CYP2B6: variants seen among roughly 807,000 people sequenced by gnomAD.
CYP2B6 encodes cytochrome P450 2B6.
Under a neutral mutation model 43.4 loss-of-function variants are expected in CYP2B6, and 35 were observed. The observed-to-expected ratio is 0.81, with a 90% CI of 0.62 to 1.07. The LOEUF (loss-of-function observed/expected upper bound fraction) is 1.07. Among genes scored for constraint, CYP2B6 ranks in the 50% least tolerant of loss-of-function variants. The probability of loss-of-function intolerance (pLI) is 0.00; values close to 1 mark genes in which losing one functional copy is unlikely to be tolerated. For synonymous variants in CYP2B6, 239 were observed against 239.2 expected (o/e 1.00, Z 0.01); for missense variants, 624 against 632.8 (o/e 0.99, Z 0.15).
intron 1 of CYP2B6, among the ~76,000 whole-genome samples, chr19:40,994,435 G>A (rs767260754): frequency 1.3e-5 from 2 of 152,070 alleles, no homozygotes; most frequent in Non-Finnish European, 2.9e-5. Context: ...TTACTTTTTT[G>A]TGGTCTTTTT....
Position 41,004,458 on chromosome 19 carries a change from G to A in CYP2B6, c.484+12G>A, listed in dbSNP as rs751985197. On this transcript the variant is annotated intron_variant, in intron 3 of 8. Coordinates refer to ENST00000324071, the MANE Select transcript of CYP2B6 (RefSeq NM_000767.5). ...TCGGAAATCCAAGGGTGAGTCCTGG[G>A]GGATGAATAGGAAAGAAAGACAATG... 1.2e-6 allele frequency: 2 copies of A among 1,612,946 alleles called. No homozygotes were observed. The highest frequency in any genetic ancestry group is 1.3e-5 in the African/African-American group (1 of 74,764).
chr19:41,014,521 G>T (rs1439781525), intron 8 of CYP2B6, among the ~76,000 whole-genome samples: 1 of 152,004 alleles, frequency 6.6e-6, no homozygotes, highest in Admixed American at 6.6e-5. Flanking sequence ...TAGCCAGGAT[G>T]GTGCTGATCT....
chr19:40,996,049 G>A (rs1030277370), intron 1 of CYP2B6, among the ~76,000 whole-genome samples: 74 of 152,180 alleles, frequency 4.9e-4, no homozygotes, highest in African/African-American at 1.7e-3. Flanking sequence ...GACATGTCTT[G>A]CAACCTAACC....
At chr19:41,016,000 A>ACACACACG (rs1491483220) in intron 8 of CYP2B6, among the ~76,000 whole-genome samples, 5 of 14,616 alleles carry the variant, frequency 3.4e-4, no homozygotes, top group Admixed American at 3.0e-3. Flanking sequence ...ATGTACAGGT[A>ACACACACG]CACACACACA....
chr19:41,016,429 A>G (rs66552806), intron 8 of CYP2B6, among the ~76,000 whole-genome samples: 43,732 of 87,076 alleles, frequency 0.5, 9,687 homozygotes, highest in Admixed American at 0.64. Flanking sequence ...AAAAAAAAAA[A>G]AAAAAGAGAG....
chr19:41,004,197 T>TGGGGGGTTGGGGGGGGGGGGGGGG, intron 2 of CYP2B6, 34 bp downstream of exon 2: 1 of 350,414 alleles, frequency 2.9e-6, no homozygotes, highest in South Asian at 2.6e-5. Context: ...AGGGGGCGGG[T>TGGGGGGTTGGGGGGGGGGGGGGGG]GGGGGGTGCA....
intron 3 of CYP2B6, among the ~76,000 whole-genome samples, chr19:41,005,723 G>A (rs572853819): frequency 2.0e-5 from 3 of 151,844 alleles, no homozygotes; most frequent in Non-Finnish European, 2.9e-5. Flanking sequence ...GGAGGTTGCC[G>A]TGAGCTAAGA....
intron 1 of CYP2B6, among the ~76,000 whole-genome samples, chr19:41,002,206 G>A (rs1055421297): frequency 1.3e-5 from 2 of 152,088 alleles, no homozygotes; most frequent in African/African-American, 4.8e-5. Flanking sequence ...ACATTTTAGT[G>A]GGGTTACCCT....
chr19:41,000,123 G>A (rs897404766), intron 1 of CYP2B6, among the ~76,000 whole-genome samples: 7 of 152,180 alleles, frequency 4.6e-5, no homozygotes, highest in South Asian at 2.1e-4. Flanking sequence ...GTGCAAGAAC[G>A]GTGTCTGCTC....
intron 5 of CYP2B6, 68 bp from the exon 6 acceptor site, chr19:41,009,926 A>T (rs1969253638): frequency 1.2e-6 from 2 of 1,601,766 alleles, no homozygotes; most frequent in Admixed American, 1.7e-5. Context: ...AGCCAGGGAG[A>T]TGGGCGTATA....
intron 3 of CYP2B6, among the ~76,000 whole-genome samples, chr19:41,005,286 G>T (rs1969159767): frequency 6.6e-6 from 1 of 152,062 alleles, no homozygotes; most frequent in Non-Finnish European, 1.5e-5. Context: ...TCTCTGGCTA[G>T]CACCTCCATC....
intron 1 of CYP2B6, among the ~76,000 whole-genome samples, chr19:40,995,247 G>T (rs909100173): frequency 6.6e-6 from 1 of 152,104 alleles, no homozygotes; most frequent in Non-Finnish European, 1.5e-5. Context: ...AACTGCTTCT[G>T]GGGAAAAACT....
intron 1 of CYP2B6, among the ~76,000 whole-genome samples, chr19:40,998,086 G>A (rs1255723553): frequency 1.3e-5 from 2 of 151,946 alleles, no homozygotes; most frequent in African/African-American, 4.8e-5. Context: ...TGGGCACAGA[G>A]CAAGACCCTG....
At chr19:40,996,927 G>C (rs1483646368) in intron 1 of CYP2B6, among the ~76,000 whole-genome samples, 2 of 152,060 alleles carry the variant, frequency 1.3e-5, no homozygotes, top group East Asian at 3.9e-4. Context: ...AACAGATTGA[G>C]ACCCTGTCTC....
At chr19:41,009,936 A>G (rs1312701522) in intron 5 of CYP2B6, 58 bp from the exon 6 acceptor site, 30 of 1,610,472 alleles carry the variant, frequency 1.9e-5, no homozygotes, top group Admixed American at 6.7e-5. Flanking sequence ...ATGGGCGTAT[A>G]CACAGCAAGG....
intron 1 of CYP2B6, among the ~76,000 whole-genome samples, chr19:40,998,497 T>C (rs1209619826): frequency 2.0e-5 from 3 of 151,028 alleles, no homozygotes; most frequent in African/African-American, 7.3e-5. Context: ...TACGTATACA[T>C]GTGCCATGCT....
At chr19:40,999,415 CT>C (rs1969047857) in intron 1 of CYP2B6, among the ~76,000 whole-genome samples, 1 of 151,864 alleles carries the variant, frequency 6.6e-6, no homozygotes, top group African/African-American at 2.4e-5. Flanking sequence ...TGCAGAAGCT[CT>C]TTAGTTTAAT....
At chr19:41,015,999 T>TACACAC (rs113314890) in intron 8 of CYP2B6, among the ~76,000 whole-genome samples, 6,613 of 149,472 alleles carry the variant, frequency 0.044, 151 homozygotes, top group Middle Eastern at 0.071. Flanking sequence ...CATGTACAGG[T>TACACAC]ACACACACAC....
chr19:41,010,932 C>A (rs1335733744), intron 6 of CYP2B6, among the ~76,000 whole-genome samples: 1 of 152,110 alleles, frequency 6.6e-6, no homozygotes, highest in Non-Finnish European at 1.5e-5. Flanking sequence ...ATCGATCCAT[C>A]CACTTATCAT....
Sources: allele counts gnomAD v4.1 joint callset (sites outside exome capture counted in the v4.1 genomes callset), GRCh38; gene constraint gnomAD v4.1.1; transcripts MANE v1.5; gene names NCBI Gene and HGNC (gene_info 2026-07-23, HGNC 2026-07-21).